The following PLCD4 variants were observed in gnomAD, a reference collection of about 807,000 sequenced individuals.
PLCD4 encodes the protein phospholipase C delta 4.
In PLCD4, 63 loss-of-function variants were observed where a neutral mutation model predicts 90.2. That is an observed-to-expected ratio of 0.70 (90% CI 0.57 to 0.86). PLCD4 has a LOEUF of 0.86. Ranked by LOEUF, PLCD4 falls within the 40% of genes least tolerant of loss-of-function variation. The pLI is 0.00. For missense variants in PLCD4, 830 were observed against 956.3 expected (o/e 0.87, Z 1.74); for synonymous variants, 294 against 356.5 (o/e 0.82, Z 1.97).
chr2:218,613,009 T>C (rs890140469), intron 1 of PLCD4, among the ~76,000 whole-genome samples: 1 of 152,214 alleles, frequency 6.6e-6, no homozygotes, highest in African/African-American at 2.4e-5. Flanking sequence ...TGCATGATGT[T>C]TTAATGGAAC....
intron 13 of PLCD4, among the ~76,000 whole-genome samples, chr2:218,635,412 C>T (rs1696667452): frequency 6.6e-6 from 1 of 152,174 alleles, no homozygotes; most frequent in Non-Finnish European, 1.5e-5. Flanking sequence ...GATCTTGGCT[C>T]ACTGCAACCT....
Position 218,636,335 on chromosome 2 carries a change from A to C in PLCD4, c.2125A>C (p.Lys709Gln). ...LRFVVMDYDW[K>Q]SRNDFIGQYT... ...TTTTGTGGTAATGGATTATGACTGG[A>C]AATCCCGAAATGACTTTATTGGTCA... Residue 709 changes from lysine to glutamine, a missense_variant, in exon 15 of 16, where the codon AAA becomes CAA. Transcript: ENST00000450993. 1 of 1,614,032 alleles carries C rather than the reference A, an allele frequency of 6.2e-7. No homozygotes were observed. Among genetic ancestry groups the C allele is most frequent in the Non-Finnish European group, 8.5e-7 (1 of 1,179,910 alleles).
chr2:218,633,542 A>G (rs1696515995), intron 10 of PLCD4, 63 bp from the exon 11 acceptor site: 1 of 1,562,006 alleles, frequency 6.4e-7, no homozygotes, highest in Non-Finnish European at 8.8e-7. Context: ...TTGGATGGCC[A>G]TTATCTTCTT....
rs776249194 is a variant in PLCD4 at position 218,629,530 on chromosome 2, G to C, written c.986G>C (p.Arg329Pro). The change falls in exon 8 of 16, where the codon CGG (arginine) becomes CCG (proline). Residue 329 changes from arginine to proline, a missense_variant. Physicochemically the swap from Arg to Pro is moderately radical, Grantham distance 103. Coordinates refer to ENST00000450993, the MANE Select transcript of PLCD4 (RefSeq NM_032726.4). ...SVEGYIRALKRGCRCVEVDVW... is the reference protein window; with the variant it reads ...SVEGYIRALKPGCRCVEVDVW... ...TGGGGTTCTTTCAGGGCCCTGAAGC[G>C]GGGGTGCCGCTGCGTGGAGGTGGAT... The C allele has an allele frequency of 6.2e-7, 1 of 1,613,636 alleles. No individual in the cohort carries two copies.
At chr2:218,624,170 G>A (rs1286885653) in intron 6 of PLCD4, among the ~76,000 whole-genome samples, 31 of 152,194 alleles carry the variant, frequency 2.0e-4, no homozygotes, top group Admixed American at 2.0e-3. Context: ...TTGAGAATGA[G>A]GATAAGAGAT....
chr2:218,628,727 C>G (rs1696224889), intron 7 of PLCD4: 1 of 155,928 alleles, frequency 6.4e-6, no homozygotes, highest in Non-Finnish European at 1.4e-5. Flanking sequence ...ATAAGCAGTT[C>G]TGATTTTATT....
At chr2:218,613,499 CACAAA>C (rs1695441173) in intron 1 of PLCD4, among the ~76,000 whole-genome samples, 1 of 151,126 alleles carries the variant, frequency 6.6e-6, no homozygotes, top group East Asian at 1.9e-4. Flanking sequence ...TCTTTGCTTA[CACAAA>C]AGCATAGAGC....
Position 218,635,786 on chromosome 2 carries a change from C to T in PLCD4, c.1897-10C>T. On this transcript the variant is annotated splice_polypyrimidine_tract_variant and intron_variant, in intron 13 of 15. Transcript: ENST00000450993. ...CAGGAACTTGTGAGATTCCAGAGCC[C>T]TGACTACAGGTGATCAGCGGTCAGC... 5 of 1,610,356 alleles carry T rather than the reference C, an allele frequency of 3.1e-6. No homozygotes were observed. Among genetic ancestry groups the T allele is most frequent in the Non-Finnish European group, 3.4e-6 (4 of 1,178,378 alleles).
chr2:218,632,325 T>G lies in PLCD4; in HGVS notation c.1449+13T>G, dbSNP rs3731869. ...GGACAAAAAGAAGGTAAGCCAGGAG[T>G]GGTCTTTCTGCTGTGGTATTTAGTC... On this transcript the variant is annotated intron_variant, in intron 10 of 15. Coordinates refer to ENST00000450993, the MANE Select transcript of PLCD4 (RefSeq NM_032726.4). 63,060 of 1,594,490 alleles carry G rather than the reference T, an allele frequency of 0.04. 1,636 individuals are homozygous for G. The highest frequency in any genetic ancestry group is 0.11 in the East Asian group (4,966 of 44,272).
chr2:218,629,391 T>C (rs1018586979), intron 7 of PLCD4, 128 bp from the exon 8 acceptor site: 32 of 1,059,232 alleles, frequency 3.0e-5, no homozygotes, highest in Non-Finnish European at 4.1e-5. Context: ...TCTATGCAGA[T>C]GTAGCTTGAA....
intron 6 of PLCD4, 148 bp from the exon 7 acceptor site, chr2:218,627,881 T>A (rs1696185926): frequency 1.6e-6 from 1 of 641,660 alleles, no homozygotes. Flanking sequence ...ACACACTAGG[T>A]GGGGCAAGTT....
Position 218,618,651 on chromosome 2 carries a change from T to TC in PLCD4, c.259dup (p.Leu87ProfsTer24), listed in dbSNP as rs770154694. 11 of 1,613,746 alleles carry TC rather than the reference T, an allele frequency of 6.8e-6. No individual in the cohort carries two copies. The highest frequency in any genetic ancestry group is 9.3e-6 in the Non-Finnish European group (11 of 1,179,870). On this transcript the variant is annotated frameshift_variant, in exon 4 of 16. Coordinates refer to ENST00000450993, the MANE Select transcript of PLCD4 (RefSeq NM_032726.4). LOFTEE classifies it high-confidence loss of function. ...TTGCTGCGTAGCCTGGCAGAGGAGC[T>TC]CCCCCTGGAGCAGGGCTTCACCATT...
At chr2:218,610,804 T>A (rs916227959) in intron 1 of PLCD4, among the ~76,000 whole-genome samples, 9 of 151,978 alleles carry the variant, frequency 5.9e-5, no homozygotes, top group Non-Finnish European at 1.3e-4. Flanking sequence ...CTCGGCTCAC[T>A]GCAGCCTCCG....
At chr2:218,635,487 C>T (rs1047901910) in intron 13 of PLCD4, among the ~76,000 whole-genome samples, 9 of 152,024 alleles carry the variant, frequency 5.9e-5, no homozygotes, top group Non-Finnish European at 7.4e-5. Flanking sequence ...TACAGGCGCC[C>T]GCCACCATGC....
At position 218,622,891 on chromosome 2, in the gene PLCD4, A is replaced by C; in HGVS notation, c.772+13A>C. The stretch of plus-strand genomic sequence containing the variant: ...CCTTCAGACAGTGGTAAGAGAAATC[A>C]GGTGGAGAGGCACCAGACATAGGGG... On this transcript the variant is annotated intron_variant, in intron 6 of 15. Transcript: ENST00000450993. The C allele has an allele frequency of 6.2e-7, 1 of 1,605,506 alleles. No individual in the cohort carries two copies. Among genetic ancestry groups the C allele is most frequent in the East Asian group, 2.2e-5 (1 of 44,832 alleles).
chr2:218,627,912 T>C, intron 6 of PLCD4, 117 bp from the exon 7 acceptor site: 1 of 874,956 alleles, frequency 1.1e-6, no homozygotes, highest in Non-Finnish European at 1.7e-6. Context: ...AGGCTGGGAA[T>C]GGGTGCCATC....
At chr2:218,630,547 C>T in intron 8 of PLCD4, 103 bp from the exon 9 acceptor site, 1 of 1,332,466 alleles carries the variant, frequency 7.5e-7, no homozygotes, top group Non-Finnish European at 1.1e-6. Context: ...TCAGGGTACT[C>T]ATCTGAGTGA....
Position 218,630,796 on chromosome 2 carries a change from G to C in PLCD4, c.1266G>C (p.Ser422=). 1 of 1,611,738 alleles carries C rather than the reference G, an allele frequency of 6.2e-7. No homozygotes were observed. The change falls in exon 9 of 16, where the codon TCG becomes TCC. Residue 422 remains serine (S), a synonymous_variant. Transcript: ENST00000450993. ...GGGTGCTGCCCACTCAGCTGCCCTC[G>C]CCTGAGGTAGGGACACTGTTCCTCC... ...LDGVLPTQLP[S]PEELRRKILV... is the part of the protein sequence containing the mutation.
At chr2:218,635,602 G>C (rs1216550442) in intron 13 of PLCD4, among the ~76,000 whole-genome samples, 194 bp from the exon 14 acceptor site, 1 of 152,132 alleles carries the variant, frequency 6.6e-6, no homozygotes, top group Non-Finnish European at 1.5e-5. Context: ...TGAAGTGTTG[G>C]GATTACAGGT....
Sources: gnomAD v4.1 joint callset for allele counts (sites outside exome capture counted in the v4.1 genomes callset) on GRCh38, gnomAD v4.1.1 for gene constraint, MANE v1.5 for transcripts, NCBI Gene and HGNC (gene_info 2026-07-23, HGNC 2026-07-21) for gene names.